The following RFC1 variants were observed in gnomAD, a reference collection of about 807,000 sequenced individuals.
RFC1 encodes the protein replication factor C subunit 1, also known as A1 140 kDa subunit.
In RFC1, 37 loss-of-function variants were observed where a neutral mutation model predicts 137.4. That is an observed-to-expected ratio of 0.27 (90% confidence interval 0.21 to 0.35). The LOEUF (loss-of-function observed/expected upper bound fraction) is 0.35. Among genes scored for constraint, RFC1 ranks in the 10% least tolerant of loss-of-function variants. The probability of loss-of-function intolerance (pLI) is 1.00; values close to 1 mark genes in which losing one functional copy is unlikely to be tolerated. For synonymous variants in RFC1, 429 were observed against 455.7 expected (o/e 0.94, Z 0.75); for missense variants, 1,205 against 1,358.5 (o/e 0.89, Z 1.78).
intron 1 of RFC1, 123 bp from the exon 2 acceptor site, chr4:39,351,599 G>A: frequency 4.1e-6 from 3 of 732,896 alleles, no homozygotes; most frequent in South Asian, 4.4e-5. Context: ...TCCATACCAA[G>A]ATAGTTCCAC....
Position 39,291,531 on chromosome 4 carries a change from G to A in RFC1, c.3168+108C>T, listed in dbSNP as rs767666410. On this transcript the variant is annotated intron_variant, in intron 23 of 24. Coordinates refer to ENST00000349703, the MANE Select transcript of RFC1 (RefSeq NM_002913.5). ...AGGCCATAAGAAGCAACAAGCATTT[G>A]AGGGGAAAAAGAAGTAAATCTTAAA... 2.8e-4 allele frequency: 215 copies of A among 764,372 alleles called. 1 individual carries two copies. The highest frequency in any genetic ancestry group is 4.6e-4 in the Non-Finnish European group (202 of 443,234). The allele number at this position is 764,372 out of a possible 1,614,324, so 47.3% of individuals were successfully genotyped here.
At chr4:39,315,648 G>A (rs1739203134) in intron 10 of RFC1, among the ~76,000 whole-genome samples, 1 of 152,184 alleles carries the variant, frequency 6.6e-6, no homozygotes, top group Admixed American at 6.5e-5. Flanking sequence ...GCCACCAATC[G>A]CATGATCCAC....
At chr4:39,344,878 T>TGTATTAA (rs1386958049) in intron 3 of RFC1, among the ~76,000 whole-genome samples, 2 of 152,248 alleles carry the variant, frequency 1.3e-5, no homozygotes, top group African/African-American at 2.4e-5. Flanking sequence ...AAGGAATCTT[T>TGTATTAA]AATACAAACA....
chr4:39,290,567 C>A, intron 23 of RFC1, among the ~76,000 whole-genome samples: 1 of 152,096 alleles, frequency 6.6e-6, no homozygotes, highest in East Asian at 1.9e-4. Context: ...GTAATCCCAG[C>A]ACTTTGGGAG....
At chr4:39,344,476 A>G (rs1560617160) in intron 3 of RFC1, among the ~76,000 whole-genome samples, 1 of 152,218 alleles carries the variant, frequency 6.6e-6, no homozygotes, top group Admixed American at 6.5e-5. Context: ...AGTATTTTAA[A>G]AAATAATAGG....
Position 39,312,748 on chromosome 4 carries a change from C to A in RFC1, c.1383+4G>T, listed in dbSNP as rs752008526. The stretch of plus-strand genomic sequence containing the variant: ...CATGGTGTTGAGAACAAAGCAGTAC[C>A]CACCTTATCACTCTTGGACTGTCCA... On this transcript the variant is annotated splice_donor_region_variant and intron_variant, in intron 11 of 24. Transcript: ENST00000349703. The A allele has an allele frequency of 6.2e-7, 1 of 1,613,204 alleles. No homozygotes were observed. Among genetic ancestry groups the A allele is most frequent in the South Asian group, 1.1e-5 (1 of 90,892 alleles).
chr4:39,322,778 CAA>C (rs768012107), intron 7 of RFC1, among the ~76,000 whole-genome samples: 33 of 112,148 alleles, frequency 2.9e-4, no homozygotes, highest in Admixed American at 4.7e-4. Flanking sequence ...GACCTTGTCT[CAA>C]AAAAAAAAAA....
chr4:39,311,363 G>T, intron 12 of RFC1, 82 bp downstream of exon 12: 3 of 1,118,090 alleles, frequency 2.7e-6, no homozygotes, highest in South Asian at 1.3e-5. Flanking sequence ...CAGCCAACAA[G>T]CCTGTATCCA....
chr4:39,316,768 T>C lies in RFC1; in HGVS notation c.1203+147A>G, dbSNP rs942674173. Reference sequence around the variant, plus strand: ...CAGTGATTCATAACATGAATAAACATCCCTAATTCTTGAAGACAGTAACTG... The same window carrying C: ...CAGTGATTCATAACATGAATAAACACCCCTAATTCTTGAAGACAGTAACTG... On this transcript the variant is annotated intron_variant, in intron 10 of 24. Transcript: ENST00000349703. 44 of 554,502 alleles carry C rather than the reference T, an allele frequency of 7.9e-5. No homozygotes were observed. In the African/African-American group the frequency reaches 8.1e-4, roughly 10 times the overall value. The allele number at this position is 554,502 out of a possible 1,614,324, so 34.3% of individuals were successfully genotyped here. A position where few individuals can be genotyped will look rare whatever the true frequency, so the allele number is the denominator to read the frequency against.
At chr4:39,366,006 T>C (rs1303304099) in intron 1 of RFC1, among the ~76,000 whole-genome samples, 1 of 152,184 alleles carries the variant, frequency 6.6e-6, no homozygotes, top group Non-Finnish European at 1.5e-5. Context: ...AAAGTGCAAG[T>C]ACACGTAGCA....
intron 12 of RFC1, among the ~76,000 whole-genome samples, chr4:39,309,468 A>T (rs1312368276): frequency 1.3e-5 from 2 of 152,270 alleles, no homozygotes; most frequent in Non-Finnish European, 2.9e-5. Flanking sequence ...GGATGTGTCC[A>T]CACAATGAAA....
At position 39,289,880 on chromosome 4, in the gene RFC1, G is replaced by T; in HGVS notation, c.3328C>A (p.Gln1110Lys). ...ATGGCATCAGTTTCTATAGCATCTT[G>T]GTCTTTCTCATCAGATTGAGAGTCA... is the stretch of plus-strand genomic sequence containing the variant. ...EDDSQSDEKD[Q>K]DAIETDAMIK... is the part of the protein sequence containing the mutation. The change falls in exon 24 of 25, where the codon CAA (glutamine) becomes AAA (lysine). Residue 1110 changes from glutamine (Q) to lysine (K), a missense_variant. Transcript: ENST00000349703. 1 of 1,612,610 alleles carries T rather than the reference G, an allele frequency of 6.2e-7. No individual in the cohort carries two copies. Among genetic ancestry groups the T allele is most frequent in the Non-Finnish European group, 8.5e-7 (1 of 1,178,686 alleles).
intron 21 of RFC1, among the ~76,000 whole-genome samples, chr4:39,299,040 G>A (rs900733780): frequency 1.6e-4 from 24 of 152,242 alleles, no homozygotes; most frequent in African/African-American, 5.3e-4. Context: ...GTGGGTTTAC[G>A]GGAATGAGGG....
At position 39,300,396 on chromosome 4, in the gene RFC1, G is replaced by A. The variant is rs768328174; in HGVS notation, c.2554C>T (p.Arg852Trp). 44 of 1,613,854 alleles carry A rather than the reference G, an allele frequency of 2.7e-5. No individual in the cohort carries two copies. The highest frequency in any genetic ancestry group is 2.0e-4 in the East Asian group (9 of 44,900). Reference sequence around the variant, plus strand: ...TCCTCTCCAGCTGCAAACACTTTCCGGGCAACATCAAATGGGCCCTGAAAA... The same window carrying A: ...TCCTCTCCAGCTGCAAACACTTTCCAGGCAACATCAAATGGGCCCTGAAAA... The part of the protein sequence containing the change: ...DIKMGPFDVA[R>W]KVFAAGEETA... The change falls in exon 20 of 25, where the codon CGG becomes TGG. Residue 852 changes from arginine (R) to tryptophan (W), a missense_variant. Arg to Trp is a moderately radical substitution (Grantham distance 101). Coordinates refer to ENST00000349703, the MANE Select transcript of RFC1 (RefSeq NM_002913.5).
intron 4 of RFC1, among the ~76,000 whole-genome samples, chr4:39,330,292 C>T (rs912997822): frequency 1.1e-4 from 17 of 152,202 alleles, no homozygotes; most frequent in African/African-American, 4.1e-4. Flanking sequence ...TCAGCCTTAC[C>T]TTCTAATTAT....
intron 2 of RFC1, among the ~76,000 whole-genome samples, chr4:39,350,141 T>C (rs1741111774): frequency 6.6e-6 from 1 of 151,910 alleles, no homozygotes; most frequent in Admixed American, 6.6e-5. Flanking sequence ...CTAGATAGCC[T>C]TAACAGTAAA....
intron 4 of RFC1, among the ~76,000 whole-genome samples, chr4:39,336,751 C>G (rs1007611997): frequency 6.6e-6 from 1 of 152,162 alleles, no homozygotes; most frequent in Non-Finnish European, 1.5e-5. Flanking sequence ...TTGAGAAACA[C>G]TGATTTATGG....
intron 4 of RFC1, among the ~76,000 whole-genome samples, chr4:39,334,384 T>A (rs892028181): frequency 5.3e-5 from 8 of 152,188 alleles, no homozygotes; most frequent in African/African-American, 1.9e-4. Flanking sequence ...CCTTAACATT[T>A]TAAAGGCTAT....
chr4:39,298,085 G>A (rs897711616), intron 21 of RFC1, among the ~76,000 whole-genome samples: 1 of 152,172 alleles, frequency 6.6e-6, no homozygotes, highest in Admixed American at 6.5e-5. Context: ...GAGATGGGCA[G>A]ACAGCTTGCA....
Sources: gnomAD v4.1 joint callset for allele counts (sites outside exome capture counted in the v4.1 genomes callset) on GRCh38, gnomAD v4.1.1 for gene constraint, MANE v1.5 for transcripts, NCBI Gene and HGNC (gene_info 2026-07-23, HGNC 2026-07-21) for gene names.